Variants in LMO7 observed in about 807,000 individuals in gnomAD.
The protein encoded by LMO7 is LIM domain only protein 7.
A neutral mutation model predicts 206.5 loss-of-function variants in LMO7; 120 were observed. That is an observed-to-expected ratio of 0.58 (90% CI 0.50 to 0.68). LMO7 has a LOEUF of 0.68. Ranked by LOEUF, LMO7 falls within the 30% of genes least tolerant of loss-of-function variation. LMO7 has a pLI of 0.00. For missense variants in LMO7, 1,959 were observed against 1,957.9 expected (o/e 1.00, Z -0.01); for synonymous variants, 706 against 681.5 (o/e 1.04, Z -0.56).
At chr13:75,632,263 G>A (rs2035043657), upstream of LMO7, 2 of 152,098 alleles carry the variant, frequency 1.3e-5, no homozygotes, top group Admixed American at 1.3e-4. Context: ...AATTATATTT[G>A]GGTCTTCTGA....
chr13:75,810,677 A>G (rs545665369), intron 11 of LMO7, among the ~76,000 whole-genome samples: 1 of 152,274 alleles, frequency 6.6e-6, no homozygotes, highest in Non-Finnish European at 1.5e-5. Context: ...TAAATTAAAT[A>G]TAACTTTATA....
At chr13:75,647,951 CTT>C (rs570513211) in intron 1 of LMO7, among the ~76,000 whole-genome samples, 7 of 91,144 alleles carry the variant, frequency 7.7e-5, no homozygotes, top group African/African-American at 1.6e-4. Context: ...TCTTTTCTTT[CTT>C]TTTTTTTTTT....
At chr13:75,717,429 C>G (rs1008314636) in intron 2 of LMO7, among the ~76,000 whole-genome samples, 6 of 150,818 alleles carry the variant, frequency 4.0e-5, no homozygotes, top group Non-Finnish European at 8.9e-5. Context: ...ACCAGGTCTT[C>G]TTTTTCCTTT....
At chr13:75,743,582 A>G (rs2046595541) in intron 3 of LMO7, among the ~76,000 whole-genome samples, 2 of 152,242 alleles carry the variant, frequency 1.3e-5, no homozygotes, top group African/African-American at 4.8e-5. Context: ...CATTATCCTT[A>G]GCAAACTAAT....
chr13:75,621,674 ATTT>A (rs111535881), exon 1 of LMO7: 14 of 1,524,814 alleles, frequency 9.2e-6, no homozygotes, highest in African/African-American at 8.3e-5. Flanking sequence ...AGCTATTTTA[ATTT>A]TTTTATTACA....
intron 11 of LMO7, among the ~76,000 whole-genome samples, chr13:75,810,327 A>G (rs1595188622): frequency 6.6e-6 from 1 of 152,190 alleles, no homozygotes; most frequent in East Asian, 1.9e-4. Context: ...TACTTCATCT[A>G]TAAGAATCTC....
intron 1 of LMO7, among the ~76,000 whole-genome samples, chr13:75,647,231 A>C (rs1454933092): frequency 6.6e-6 from 1 of 152,216 alleles, no homozygotes; most frequent in African/African-American, 2.4e-5. Context: ...AAGTAAGTGG[A>C]TGAATGAACA....
chr13:75,716,986 A>G (rs2043590948), intron 2 of LMO7, among the ~76,000 whole-genome samples: 2 of 149,950 alleles, frequency 1.3e-5, no homozygotes, highest in Admixed American at 1.3e-4. Flanking sequence ...TGTACCTCCC[A>G]TCCCTGGAAT....
At chr13:75,789,587 T>C (rs1417699738) in intron 4 of LMO7, among the ~76,000 whole-genome samples, 1 of 152,166 alleles carries the variant, frequency 6.6e-6, no homozygotes, top group Admixed American at 6.5e-5. Context: ...GCTTGGCTGT[T>C]CTTAGCTAGG....
intron 4 of LMO7, among the ~76,000 whole-genome samples, chr13:75,794,335 A>T (rs1440293215): frequency 2.0e-5 from 3 of 152,132 alleles, no homozygotes; most frequent in African/African-American, 7.2e-5. Context: ...GGTGGGTAAG[A>T]GGTGCATGCT....
intron 3 of LMO7, 43 bp downstream of exon 3, chr13:75,727,141 G>C: frequency 7.8e-7 from 1 of 1,284,776 alleles, no homozygotes; most frequent in Non-Finnish European, 1.1e-6. Context: ...ATTTGTCTTT[G>C]AAATGTAAAG....
chr13:75,719,049 G>A (rs936254536), intron 2 of LMO7, among the ~76,000 whole-genome samples: 6 of 149,840 alleles, frequency 4.0e-5, no homozygotes, highest in Admixed American at 1.3e-4. Context: ...GCGCGATCTC[G>A]GCTTACTGCA....
intron 3 of LMO7, among the ~76,000 whole-genome samples, chr13:75,747,361 G>A (rs1108412): frequency 0.47 from 71,198 of 151,910 alleles, 17,270 homozygotes; most frequent in East Asian, 0.61. Context: ...GTGAACAGTG[G>A]TGTTGGTGTC....
chr13:75,727,803 G>A (rs972716654), intron 3 of LMO7, among the ~76,000 whole-genome samples: 1 of 135,490 alleles, frequency 7.4e-6, no homozygotes, highest in African/African-American at 2.8e-5. Flanking sequence ...AGTCCCCAGA[G>A]TGTGATGTTC....
At chr13:75,636,291 G>C (rs1456587033), upstream of LMO7, 1 of 1,072,876 alleles carries the variant, frequency 9.3e-7, no homozygotes, top group East Asian at 1.0e-4. Flanking sequence ...CGGGGCCACC[G>C]CGGGGAGGAC....
At chr13:75,786,414 G>T (rs1458267429) in intron 4 of LMO7, among the ~76,000 whole-genome samples, 1 of 138,914 alleles carries the variant, frequency 7.2e-6, no homozygotes, top group Non-Finnish European at 1.5e-5. Context: ...TCGCTCTGTT[G>T]CTCAGGCTGG....
chr13:75,775,694 A>C (rs986147861), intron 4 of LMO7, among the ~76,000 whole-genome samples: 1 of 152,146 alleles, frequency 6.6e-6, no homozygotes, highest in Non-Finnish European at 1.5e-5. Flanking sequence ...TAACAAACAC[A>C]TGAAAAACAT....
chr13:75,634,675 G>A (rs868546375), upstream of LMO7, among the ~76,000 whole-genome samples: 5 of 151,912 alleles, frequency 3.3e-5, no homozygotes, highest in South Asian at 8.3e-4. Context: ...CCCGGGAGGC[G>A]GAGCTTGCAG....
chr13:75,762,377 T>C (rs1174657313), intron 4 of LMO7, among the ~76,000 whole-genome samples: 2 of 152,320 alleles, frequency 1.3e-5, no homozygotes, highest in Admixed American at 1.3e-4. Context: ...TATTTCTTCA[T>C]AAGGCCTATC....
Sources: gnomAD v4.1 joint callset for allele counts (sites outside exome capture counted in the v4.1 genomes callset) on GRCh38, gnomAD v4.1.1 for gene constraint, MANE v1.5 for transcripts, NCBI Gene and HGNC (gene_info 2026-07-23, HGNC 2026-07-21) for gene names.